Variants in CDH22 observed in about 807,000 individuals in gnomAD.
The protein encoded by CDH22 is cadherin-22.
In CDH22, 30 loss-of-function variants were observed where a neutral mutation model predicts 58.4. The observed-to-expected ratio is 0.51, with a 90% CI of 0.38 to 0.70. The LOEUF (loss-of-function observed/expected upper bound fraction) is 0.70. Among genes scored for constraint, CDH22 ranks in the 30% least tolerant of loss-of-function variants. The pLI, the probability that CDH22 is intolerant of heterozygous loss-of-function variation, is 0.00. For synonymous variants in CDH22, 513 were observed against 558.2 expected, an observed-to-expected ratio of 0.92 and a Z score of 1.14; for missense variants, 1,014 against 1,233.9, an observed-to-expected ratio of 0.82 and a Z score of 2.67.
chr20:46,303,582 T>C (rs2086661780), intron 1 of CDH22, among the ~76,000 whole-genome samples: 1 of 152,132 alleles, frequency 6.6e-6, no homozygotes, highest in Non-Finnish European at 1.5e-5. Flanking sequence ...CATTTTAAAC[T>C]GGATAATGAA....
chr20:46,278,148 C>G (rs2086529977), intron 1 of CDH22, among the ~76,000 whole-genome samples: 1 of 152,048 alleles, frequency 6.6e-6, no homozygotes, highest in South Asian at 2.1e-4. Flanking sequence ...GAACCCAGGC[C>G]TCTCCCCCTG....
Position 46,174,877 on chromosome 20 carries a change from C to T in CDH22, c.2116G>A (p.Ala706Thr), listed in dbSNP as rs762988235. The T allele has an allele frequency of 1.5e-6, 2 of 1,357,402 alleles. No homozygotes were observed. Among genetic ancestry groups the T allele is most frequent in the South Asian group, 2.0e-5 (1 of 50,060 alleles). 84.1% of individuals were successfully genotyped at this position (1,357,402 alleles called of 1,614,324 possible). A position where few individuals can be genotyped will look rare whatever the true frequency, so the allele number is the denominator to read the frequency against. ...GAGCCCCCGCCCGCTCCCCCGCCCG[C>T]GCTGCCGCCCCCGTCGCCGCCCTTG... ...ELKGGDGGGSAGGGAGGGSGG... is the reference protein window; with the variant it reads ...ELKGGDGGGSTGGGAGGGSGG... The change falls in exon 12 of 12, where the codon GCG becomes ACG. Residue 706 changes from alanine to threonine, a missense_variant. This residue lies in a region of CDH22 where 208 missense variants were observed against 195.2 expected (regional missense o/e 1.07). Coordinates refer to ENST00000537909, the MANE Select transcript of CDH22 (RefSeq NM_021248.3). The surrounding 1 kb of genome is among the most constrained non-coding windows in gnomAD (Gnocchi z 4.4).
intron 1 of CDH22, among the ~76,000 whole-genome samples, chr20:46,257,734 T>A: frequency 6.6e-6 from 1 of 152,212 alleles, no homozygotes; most frequent in East Asian, 1.9e-4. Flanking sequence ...GAGGTCCTGC[T>A]GCAGGTAGCA....
In CDH22 at chr20:46,216,852, T is replaced by C; in HGVS notation, c.812A>G (p.Asn271Ser). The C allele has an allele frequency of 6.2e-7, 1 of 1,602,750 alleles. No individual in the cohort carries two copies. The highest frequency in any genetic ancestry group is 8.5e-7 in the Non-Finnish European group (1 of 1,170,626). ...TTVTIVVTDV[N>S]DNPPRFPQKM... ...CTGCGGGAAACGGGGCGGGTTGTCA[T>C]TGACGTCGGTGACTACGATGGTGAC... The change falls in exon 5 of 12, where the codon AAT (asparagine) becomes AGT (serine). Residue 271 changes from asparagine (N) to serine (S), a missense_variant. By Grantham distance (46) the Asn-to-Ser change is conservative. Coordinates refer to ENST00000537909, the MANE Select transcript of CDH22 (RefSeq NM_021248.3). The surrounding 1 kb of genome is among the most constrained non-coding windows in gnomAD (Gnocchi z 5.3).
In CDH22 at chr20:46,251,409, C is replaced by CGGGAT. The variant is rs1431244897; in HGVS notation, c.-120_-116dup. 1 of 1,214,426 alleles carries CGGGAT rather than the reference C, an allele frequency of 8.2e-7. No homozygotes were observed. The highest frequency in any genetic ancestry group is 1.1e-6 in the Non-Finnish European group (1 of 946,342). 75.2% of individuals were successfully genotyped at this position (1,214,426 alleles called of 1,614,324 possible). A position where few individuals can be genotyped will look rare whatever the true frequency, so the allele number is the denominator to read the frequency against. On this transcript the variant is annotated 5_prime_UTR_variant, in exon 2 of 12. The change abolishes the stop of an existing upstream ORF in the 5' untranslated region. Coordinates refer to ENST00000537909, the MANE Select transcript of CDH22 (RefSeq NM_021248.3). This position sits in a 1 kb window ranked among gnomAD's most constrained non-coding sequence, Gnocchi z 6.7. Reference sequence around the variant, plus strand: ...CACATGGTGGCCTCAGCGCGGCCGCCGGGATGTCGCCCCCGACGGGGCACC... The same window carrying CGGGAT: ...CACATGGTGGCCTCAGCGCGGCCGCCGGGATGGGATGTCGCCCCCGACGGGGCACC...
At chr20:46,212,459 C>A (rs574416080) in intron 6 of CDH22, among the ~76,000 whole-genome samples, 3 of 152,206 alleles carry the variant, frequency 2.0e-5, no homozygotes, top group Admixed American at 1.3e-4. Flanking sequence ...GCTGAGTTTG[C>A]AGTTTGAGTT....
intron 1 of CDH22, among the ~76,000 whole-genome samples, chr20:46,277,434 T>C (rs1046977060): frequency 1.3e-5 from 2 of 152,184 alleles, no homozygotes; most frequent in African/African-American, 4.8e-5. Context: ...ACGTCTATTT[T>C]TGCAAAAAAT....
At chr20:46,250,108 T>A (rs1380057652) in intron 2 of CDH22, among the ~76,000 whole-genome samples, 2 of 152,204 alleles carry the variant, frequency 1.3e-5, no homozygotes, top group African/African-American at 4.8e-5. Context: ...AGGAATTGAA[T>A]GGATGAATAA....
Position 46,199,409 on chromosome 20 carries a change from G to T in CDH22, c.1423+14C>A. On this transcript the variant is annotated intron_variant, in intron 8 of 11. Coordinates refer to ENST00000537909, the MANE Select transcript of CDH22 (RefSeq NM_021248.3). ...CCATATTTGCCCTTGGAGGGGGCGTGGCGCCCAGCTCACCCGCCTCCATGG... is the reference window on the plus strand; with the variant it reads ...CCATATTTGCCCTTGGAGGGGGCGTTGCGCCCAGCTCACCCGCCTCCATGG... 6.2e-7 allele frequency: 1 copy of T among 1,604,558 alleles called. No homozygotes were observed.
intron 1 of CDH22, among the ~76,000 whole-genome samples, chr20:46,273,091 T>C (rs2086500518): frequency 6.6e-6 from 1 of 152,194 alleles, no homozygotes; most frequent in Non-Finnish European, 1.5e-5. Context: ...GGTGAATCCT[T>C]TGGAGTTCCA....
chr20:46,298,424 T>G lies in CDH22; in HGVS notation c.-400+9831A>C, dbSNP rs553701594. Among the ~76,000 whole-genome samples, 15 of 152,296 alleles carry G rather than the reference T, an allele frequency of 9.8e-5. No individual in the cohort carries two copies. The South Asian group carries it at 1.2e-3, about 13-fold the overall frequency. ...TCACAAGAAATGTATCTTGGATGGA[T>G]GGAGAAGTTGGTAGATTCTGAGGGT... On this transcript the variant is annotated intron_variant, in intron 1 of 11. Transcript: ENST00000537909.
In CDH22 at chr20:46,198,750, C is replaced by T. The variant is rs576052568; in HGVS notation, c.1423+673G>A. On this transcript the variant is annotated intron_variant, in intron 8 of 11. Coordinates refer to ENST00000537909, the MANE Select transcript of CDH22 (RefSeq NM_021248.3). ...CACACTGGCCTCTTTGCTGTTCCTC[C>T]AACGTGCTTGGCAAATTACACCGCA... Among the ~76,000 whole-genome samples the T allele has an allele frequency of 6.6e-5, 10 of 152,322 alleles. No individual in the cohort carries two copies. The East Asian group carries it at 1.9e-3, about 29-fold the overall frequency.
intron 2 of CDH22, among the ~76,000 whole-genome samples, chr20:46,249,818 T>C (rs2086357237): frequency 6.6e-6 from 1 of 152,216 alleles, no homozygotes; most frequent in Admixed American, 6.5e-5. Flanking sequence ...GCAAACCAGC[T>C]ACCTTCAGGT....
chr20:46,296,704 T>C (rs2086630689), intron 1 of CDH22, among the ~76,000 whole-genome samples: 1 of 152,176 alleles, frequency 6.6e-6, no homozygotes, highest in Admixed American at 6.5e-5. Flanking sequence ...GCCAAGCAGA[T>C]GGTTTGGCGC....
intron 10 of CDH22, among the ~76,000 whole-genome samples, chr20:46,185,941 A>C (rs1005264874): frequency 1.3e-5 from 2 of 149,144 alleles, no homozygotes; most frequent in African/African-American, 2.5e-5. Flanking sequence ...GGCTGGGCAC[A>C]GTGGCTCATG....
intron 1 of CDH22, among the ~76,000 whole-genome samples, chr20:46,295,034 A>C (rs1017919313): frequency 1.3e-5 from 2 of 152,128 alleles, no homozygotes; most frequent in Admixed American, 1.3e-4. Context: ...CACGAAGGGC[A>C]CACACAATTG....
intron 3 of CDH22, among the ~76,000 whole-genome samples, chr20:46,231,026 G>C (rs1476266035): frequency 2.0e-5 from 3 of 152,120 alleles, no homozygotes; most frequent in South Asian, 2.1e-4. Context: ...CAGGAGCAGG[G>C]GGGCAGAGGA....
chr20:46,199,367 G>A (rs1226615235), intron 8 of CDH22, 56 bp downstream of exon 8: 1 of 1,573,940 alleles, frequency 6.4e-7, no homozygotes, highest in Non-Finnish European at 8.6e-7. Context: ...CCTCCCTTCA[G>A]CTTTTGCTCC....
chr20:46,278,410 C>T (rs895121673), intron 1 of CDH22, among the ~76,000 whole-genome samples: 2 of 152,208 alleles, frequency 1.3e-5, no homozygotes, highest in African/African-American at 4.8e-5. Flanking sequence ...GAGACTAGAA[C>T]TCCATGGTTC....
Sources: gnomAD v4.1 joint callset for allele counts (sites outside exome capture counted in the v4.1 genomes callset) on GRCh38, gnomAD v4.1.1 for gene constraint, gnomAD v4.1.1 regional missense constraint, Gnocchi (gnomAD v3.1) non-coding constraint, MANE v1.5 for transcripts, NCBI Gene and HGNC (gene_info 2026-07-23, HGNC 2026-07-21) for gene names.